KCNK13: variants seen among roughly 807,000 people sequenced by gnomAD.
KCNK13 encodes the protein potassium channel subfamily K member 13.
A neutral mutation model predicts 23.4 loss-of-function variants in KCNK13; 12 were observed. That is an observed-to-expected ratio of 0.51 (90% CI 0.33 to 0.83). The LOEUF is 0.83. KCNK13 is among the 40% of genes least tolerant of loss of function. The pLI, the probability that KCNK13 is intolerant of heterozygous loss-of-function variation, is 0.02. For missense variants in KCNK13, 463 were observed against 556.3 expected (o/e 0.83, Z 1.69); for synonymous variants, 231 against 229.5 (o/e 1.01, Z -0.06).
At chr14:90,117,969 A>G (rs76797546) in intron 1 of KCNK13, among the ~76,000 whole-genome samples, 2,785 of 152,260 alleles carry the variant, frequency 0.018, 89 homozygotes, top group African/African-American at 0.064. Context: ...TACCCACACA[A>G]CAGGTGAGTT....
At chr14:90,122,539 T>C (rs1889751611) in intron 1 of KCNK13, among the ~76,000 whole-genome samples, 1 of 152,138 alleles carries the variant, frequency 6.6e-6, no homozygotes, top group South Asian at 2.1e-4. Context: ...AGACAGGGTT[T>C]CACCATGTTG....
At chr14:90,147,409 G>C (rs547998232) in intron 1 of KCNK13, among the ~76,000 whole-genome samples, 2 of 131,620 alleles carry the variant, frequency 1.5e-5, no homozygotes, top group Non-Finnish European at 3.2e-5. Context: ...TACCACACCT[G>C]GCTTGTTTTT....
intron 1 of KCNK13, among the ~76,000 whole-genome samples, chr14:90,133,827 G>A (rs1889903421): frequency 6.6e-6 from 1 of 152,040 alleles, no homozygotes; most frequent in Non-Finnish European, 1.5e-5. Context: ...CCTCTCCTGG[G>A]GCCTCGCTAT....
At chr14:90,139,253 C>T (rs542194040) in intron 1 of KCNK13, among the ~76,000 whole-genome samples, 10 of 152,250 alleles carry the variant, frequency 6.6e-5, no homozygotes, top group African/African-American at 2.4e-4. Flanking sequence ...AGCTGGGGAG[C>T]GGGGCAGGCT....
rs34511761 is a variant in KCNK13 at position 90,122,320 on chromosome 14, A to ATT, written c.334+59796_334+59797dup. 2.4e-3 allele frequency among the ~76,000 whole-genome samples: 344 copies of ATT among 144,330 alleles called. 2 individuals are homozygous for ATT. Among genetic ancestry groups the ATT allele is most frequent in the African/African-American group, 8.1e-3 (319 of 39,376 alleles). The allele number at this position is 144,330 out of a possible 152,430, so 94.7% of individuals were successfully genotyped here. ...ATATTTTAAAGACTTTTCACCCATA[A>ATT]TTTTTTTTTTTTTTTTAGACAGAGT... On this transcript the variant is annotated intron_variant, in intron 1 of 1. Coordinates refer to ENST00000282146, the MANE Select transcript of KCNK13 (RefSeq NM_022054.4).
chr14:90,139,957 G>A (rs936990303), intron 1 of KCNK13, among the ~76,000 whole-genome samples: 1 of 152,116 alleles, frequency 6.6e-6, no homozygotes, highest in Admixed American at 6.6e-5. Context: ...GCGAGAGTAC[G>A]TCTCAAAAAC....
chr14:90,164,385 A>G (rs1275031183), intron 1 of KCNK13, among the ~76,000 whole-genome samples: 1 of 152,230 alleles, frequency 6.6e-6, no homozygotes. Context: ...TCATTTAGCT[A>G]TGCCTAGAAG....
At chr14:90,150,400 G>T (rs972787255) in intron 1 of KCNK13, among the ~76,000 whole-genome samples, 1 of 152,110 alleles carries the variant, frequency 6.6e-6, no homozygotes, top group Non-Finnish European at 1.5e-5. Context: ...ACTGTTAGCG[G>T]CCAGGAGTTC....
chr14:90,160,074 G>A (rs1214237505), intron 1 of KCNK13, among the ~76,000 whole-genome samples: 1 of 151,958 alleles, frequency 6.6e-6, no homozygotes, highest in Non-Finnish European at 1.5e-5. Context: ...TAGGCCTTCA[G>A]GCTGCGGCAA....
intron 1 of KCNK13, among the ~76,000 whole-genome samples, chr14:90,105,520 T>C (rs970482927): frequency 5.3e-5 from 8 of 152,178 alleles, no homozygotes; most frequent in Non-Finnish European, 8.8e-5. Context: ...ATTCTGTGTA[T>C]GGAAACTAAG....
intron 1 of KCNK13, among the ~76,000 whole-genome samples, chr14:90,118,507 G>A (rs900728115): frequency 3.9e-5 from 6 of 152,306 alleles, no homozygotes; most frequent in Non-Finnish European, 8.8e-5. Flanking sequence ...GTGCTTTATA[G>A]TTTATGGACA....
chr14:90,076,867 T>A (rs1330750661), intron 1 of KCNK13, among the ~76,000 whole-genome samples: 1 of 152,234 alleles, frequency 6.6e-6, no homozygotes, highest in Non-Finnish European at 1.5e-5. Context: ...GTTGCCATGC[T>A]GGAGTGCAGT....
chr14:90,105,831 C>T (rs375339665), intron 1 of KCNK13, among the ~76,000 whole-genome samples: 27 of 152,216 alleles, frequency 1.8e-4, no homozygotes, highest in Middle Eastern at 3.4e-3. Flanking sequence ...AATAACAGTC[C>T]GACAAAGGTT....
At chr14:90,161,782 G>A (rs953126624) in intron 1 of KCNK13, among the ~76,000 whole-genome samples, 2 of 152,066 alleles carry the variant, frequency 1.3e-5, no homozygotes, top group South Asian at 4.1e-4. Flanking sequence ...AAGCTCATCA[G>A]GAAAATTGAA....
chr14:90,114,671 C>T (rs371805147), intron 1 of KCNK13, among the ~76,000 whole-genome samples: 1 of 152,162 alleles, frequency 6.6e-6, no homozygotes, highest in Non-Finnish European at 1.5e-5. Flanking sequence ...TTAATTACAG[C>T]CTCTGGGCAG....
rs541165943 is a variant in KCNK13 at position 90,076,820 on chromosome 14, A to T, written c.334+14281A>T. Among the ~76,000 whole-genome samples, 194 of 150,906 alleles carry T rather than the reference A, an allele frequency of 1.3e-3. 2 individuals carry two copies. In the South Asian group the frequency reaches 0.019, roughly 15 times the overall value. On this transcript the variant is annotated intron_variant, in intron 1 of 1. Transcript: ENST00000282146. ...TTTCTATTCTGGAGATTAAAAAAAA[A>T]TTTTTTTTTTATTTCTTAGAGACAG...
intron 1 of KCNK13, among the ~76,000 whole-genome samples, chr14:90,112,134 G>A (rs753390677): frequency 9.9e-5 from 15 of 152,150 alleles, no homozygotes; most frequent in Admixed American, 5.9e-4. Flanking sequence ...TGCTCTGCTC[G>A]TTCTCCTTGG....
intron 1 of KCNK13, among the ~76,000 whole-genome samples, chr14:90,149,956 C>G (rs982731448): frequency 6.6e-6 from 1 of 151,928 alleles, no homozygotes; most frequent in African/African-American, 2.4e-5. Flanking sequence ...CCACAGCCCT[C>G]CAACTGTTTA....
intron 1 of KCNK13, among the ~76,000 whole-genome samples, chr14:90,094,314 C>T (rs2140402668): frequency 6.6e-6 from 1 of 152,328 alleles, no homozygotes; most frequent in African/African-American, 2.4e-5. Context: ...GCCCCAAGTA[C>T]TATGAGCCAG....
Sources: gnomAD v4.1 joint callset for allele counts (sites outside exome capture counted in the v4.1 genomes callset) on GRCh38, gnomAD v4.1.1 for gene constraint, MANE v1.5 for transcripts, NCBI Gene and HGNC (gene_info 2026-07-23, HGNC 2026-07-21) for gene names.